Variants in DDHD1 observed in about 807,000 individuals in gnomAD.
DDHD1 encodes DDHD domain containing 1.
DDHD1 carries 49 observed loss-of-function variants against 96.4 expected under a neutral mutation model. The observed-to-expected ratio is 0.51, with a 90% CI of 0.40 to 0.64. The LOEUF (loss-of-function observed/expected upper bound fraction) is 0.64. Among genes scored for constraint, DDHD1 ranks in the 30% least tolerant of loss-of-function variants. DDHD1 has a pLI of 0.00. For missense variants in DDHD1, 1,106 were observed against 1,161.2 expected (o/e 0.95, Z 0.69); for synonymous variants, 442 against 446.5 (o/e 0.99, Z 0.13).
intron 1 of DDHD1, among the ~76,000 whole-genome samples, chr14:53,117,856 C>G (rs935561528): frequency 2.6e-5 from 4 of 152,158 alleles, no homozygotes; most frequent in African/African-American, 4.8e-5. Context: ...CCTCCTCAAG[C>G]GGGTCCCTGA....
intron 1 of DDHD1, among the ~76,000 whole-genome samples, chr14:53,128,378 C>T (rs984698849): frequency 6.6e-6 from 1 of 152,142 alleles, no homozygotes; most frequent in African/African-American, 2.4e-5. Context: ...AGTCTAAGAT[C>T]AAGGCACCAG....
chr14:53,083,175 C>T (rs370591297), intron 4 of DDHD1, among the ~76,000 whole-genome samples: 59 of 151,582 alleles, frequency 3.9e-4, no homozygotes, highest in Non-Finnish European at 6.9e-4. Context: ...TCTGTACTTA[C>T]GGGTTTATGC....
intron 4 of DDHD1, among the ~76,000 whole-genome samples, chr14:53,079,350 G>C (rs1384809971): frequency 6.6e-6 from 1 of 151,944 alleles, no homozygotes; most frequent in Non-Finnish European, 1.5e-5. Flanking sequence ...GCAGTGGCTA[G>C]TCACTGGAAC....
At chr14:53,098,512 C>T (rs1281427570) in intron 2 of DDHD1, among the ~76,000 whole-genome samples, 1 of 151,942 alleles carries the variant, frequency 6.6e-6, no homozygotes, top group Non-Finnish European at 1.5e-5. Context: ...TCTTACACAT[C>T]TCTAACCTGC....
chr14:53,138,407 C>T (rs998076731), intron 1 of DDHD1, among the ~76,000 whole-genome samples: 2 of 152,016 alleles, frequency 1.3e-5, no homozygotes, highest in Non-Finnish European at 2.9e-5. Context: ...CCAGCCTGGG[C>T]AACAGAGCGA....
chr14:53,062,252 A>G (rs986595940), intron 7 of DDHD1, among the ~76,000 whole-genome samples: 1 of 152,048 alleles, frequency 6.6e-6, no homozygotes, highest in Non-Finnish European at 1.5e-5. Flanking sequence ...TAACATCTGT[A>G]AGACAAAAAC....
chr14:53,093,456 A>T lies in DDHD1; in HGVS notation c.1013-12T>A. The T allele has an allele frequency of 6.2e-7, 1 of 1,603,296 alleles. No homozygotes were observed. The highest frequency in any genetic ancestry group is 8.5e-7 in the Non-Finnish European group (1 of 1,177,030). ...GAAACTATGAACAGCTATTGCAAAAAGGAAAAGCTAATTTGAAGGTCTCCA... is the reference window on the plus strand; with the variant it reads ...GAAACTATGAACAGCTATTGCAAAATGGAAAAGCTAATTTGAAGGTCTCCA... On this transcript the variant is annotated splice_polypyrimidine_tract_variant and intron_variant, in intron 2 of 12. Coordinates refer to ENST00000673822, the MANE Select transcript of DDHD1 (RefSeq NM_001160148.2).
chr14:53,139,126 C>T (rs1595256821), intron 1 of DDHD1, among the ~76,000 whole-genome samples: 2 of 149,848 alleles, frequency 1.3e-5, no homozygotes, highest in East Asian at 3.9e-4. Context: ...CACAACCACA[C>T]AGGCAAACTA....
At chr14:53,103,999 T>A (rs1887505215) in intron 1 of DDHD1, 143 bp from the exon 2 acceptor site, 5 of 682,196 alleles carry the variant, frequency 7.3e-6, no homozygotes, top group Non-Finnish European at 1.1e-5. Context: ...AAACTTTTAT[T>A]TATGTTTATT....
rs1356794054 is a variant in DDHD1 at position 53,103,504 on chromosome 14, ATAGT to A, written c.1012+175_1012+178del. 1.2e-5 allele frequency: 6 copies of A among 513,116 alleles called. No individual in the cohort carries two copies. The Admixed American group carries it at 1.9e-4, about 16-fold the overall frequency. The allele number at this position is 513,116 out of a possible 1,614,324, so 31.8% of individuals were successfully genotyped here. ...CATACATATTAAAATAAAAATTGAGATAGTTCAGATATTTATAGTAGTTAATTTT... is the reference window on the plus strand; with the variant it reads ...CATACATATTAAAATAAAAATTGAGATCAGATATTTATAGTAGTTAATTTT... On this transcript the variant is annotated intron_variant, in intron 2 of 12. Transcript: ENST00000673822.
intron 1 of DDHD1, among the ~76,000 whole-genome samples, chr14:53,128,487 G>A (rs532715991): frequency 5.3e-5 from 8 of 152,244 alleles, no homozygotes; most frequent in South Asian, 4.1e-4. Context: ...GTGTTAATGC[G>A]ATTCACAGGA....
rs1216687333 is a variant in DDHD1 at position 53,051,941 on chromosome 14, A to C, written c.2438-14T>G. On this transcript the variant is annotated splice_polypyrimidine_tract_variant and intron_variant, in intron 11 of 12. Coordinates refer to ENST00000673822, the MANE Select transcript of DDHD1 (RefSeq NM_001160148.2). ...GAAGTCTGAAATCTGTGAAAAAAAAACACAAGATGCTGTAAAGGGTTGGCT... is the reference window on the plus strand; with the variant it reads ...GAAGTCTGAAATCTGTGAAAAAAAACCACAAGATGCTGTAAAGGGTTGGCT... The C allele has an allele frequency of 6.4e-6, 10 of 1,564,394 alleles. No homozygotes were observed. In the Admixed American group the frequency reaches 7.5e-5, roughly 12 times the overall value.
chr14:53,133,872 C>A (rs1890047067), intron 1 of DDHD1, among the ~76,000 whole-genome samples: 1 of 152,172 alleles, frequency 6.6e-6, no homozygotes, highest in Admixed American at 6.5e-5. Flanking sequence ...TCAAATTCTA[C>A]AACCTCGATG....
intron 9 of DDHD1, among the ~76,000 whole-genome samples, chr14:53,058,125 C>T (rs367625858): frequency 1.3e-5 from 2 of 149,720 alleles, no homozygotes; most frequent in African/African-American, 2.5e-5. Flanking sequence ...GGCATGAGCA[C>T]CACGCCCGGC....
chr14:53,098,385 G>A (rs1887047451), intron 2 of DDHD1, among the ~76,000 whole-genome samples: 1 of 151,870 alleles, frequency 6.6e-6, no homozygotes, highest in African/African-American at 2.4e-5. Flanking sequence ...GAAAGCACAA[G>A]AGTATCACAA....
chr14:53,074,282 C>G (rs1438480969), intron 4 of DDHD1, among the ~76,000 whole-genome samples: 1 of 151,536 alleles, frequency 6.6e-6, no homozygotes, highest in African/African-American at 2.4e-5. Context: ...ACCCTTTTCT[C>G]CCTTTTGGTG....
In DDHD1 at chr14:53,103,716, T is replaced by A; in HGVS notation, c.979A>T (p.Ile327Phe). Residue 327 changes from isoleucine to phenylalanine, a missense_variant, in exon 2 of 13, where the codon ATT (isoleucine) becomes TTT (phenylalanine). Coordinates refer to ENST00000673822, the MANE Select transcript of DDHD1 (RefSeq NM_001160148.2). Reference protein sequence around the residue: ...RGQQMQENFDIEVSKSIDGKD... With the variant: ...RGQQMQENFDFEVSKSIDGKD... ...CCATCTATGGATTTTGACACTTCAA[T>A]ATCGAAATTTTCCTGCATCTGCTGG... 1 of 1,613,006 alleles carries A rather than the reference T, an allele frequency of 6.2e-7. No homozygotes were observed. Among genetic ancestry groups the A allele is most frequent in the Non-Finnish European group, 8.5e-7 (1 of 1,179,708 alleles).
In DDHD1 at chr14:53,045,735, T is replaced by C. The variant is rs907995024; in HGVS notation, c.*1033A>G. 1 of 152,180 alleles carries C rather than the reference T, an allele frequency of 6.6e-6. No homozygotes were observed. The highest frequency in any genetic ancestry group is 1.5e-5 in the Non-Finnish European group (1 of 68,036). 9.4% of individuals were successfully genotyped at this position (152,180 alleles called of 1,614,324 possible). A position where few individuals can be genotyped will look rare whatever the true frequency, so the allele number is the denominator to read the frequency against. On this transcript the variant is annotated 3_prime_UTR_variant, in exon 13 of 13. Coordinates refer to ENST00000673822, the MANE Select transcript of DDHD1 (RefSeq NM_001160148.2). ...TTACAGCTGAAGAAAACCCTTCCAA[T>C]GCCTCAGAATCCTGACTTACTGTGC...
intron 1 of DDHD1, among the ~76,000 whole-genome samples, chr14:53,116,275 T>C (rs1888536993): frequency 6.6e-6 from 1 of 152,112 alleles, no homozygotes; most frequent in South Asian, 2.1e-4. Context: ...ACAATAATAA[T>C]AGGAGACTTT....
Sources: allele counts gnomAD v4.1 joint callset (sites outside exome capture counted in the v4.1 genomes callset), GRCh38; gene constraint gnomAD v4.1.1; transcripts MANE v1.5; gene names NCBI Gene and HGNC (gene_info 2026-07-23, HGNC 2026-07-21).